Variants in ARRDC5 observed in about 807,000 individuals in gnomAD.
ARRDC5 encodes the protein arrestin domain-containing protein 5.
In ARRDC5, 12 loss-of-function variants were observed where a neutral mutation model predicts 13.3. The ratio of observed to expected loss-of-function variants is 0.90; its 90% CI spans 0.58 to 1.46. The LOEUF (loss-of-function observed/expected upper bound fraction) is 1.46. Ranked by LOEUF, ARRDC5 falls within the 40% of genes most tolerant of loss-of-function variation. The pLI is 0.00. For synonymous variants in ARRDC5, 181 were observed against 173.4 expected (o/e 1.04, Z -0.34); for missense variants, 406 against 418.7 (o/e 0.97, Z 0.26).
upstream of ARRDC5, among the ~76,000 whole-genome samples, chr19:4,907,604 A>C (rs2032091747): frequency 6.6e-6 from 1 of 150,610 alleles, no homozygotes; most frequent in African/African-American, 2.4e-5. Context: ...GGGAGGTCAG[A>C]AGTCTGAAAT....
At chr19:4,895,331 G>A (rs2031672221) in intron 2 of ARRDC5, among the ~76,000 whole-genome samples, 1 of 147,926 alleles carries the variant, frequency 6.8e-6, no homozygotes, top group African/African-American at 2.5e-5. Flanking sequence ...GATGAGGCAG[G>A]AGAGTCACTT....
chr19:4,913,115 A>G, the ARRDC5 span, among the ~76,000 whole-genome samples: 2 of 152,142 alleles, frequency 1.3e-5, no homozygotes, highest in African/African-American at 2.4e-5. Context: ...ACAAATGTCT[A>G]CATCCATGCA....
intron 2 of ARRDC5, among the ~76,000 whole-genome samples, chr19:4,894,740 GGAAGAGGAAGAGGAA>G (rs2031654318): frequency 6.8e-6 from 1 of 147,034 alleles, no homozygotes; most frequent in Non-Finnish European, 1.5e-5. Flanking sequence ...AAGAGGAAGA[GGAAGAGGAAGAGGAA>G]GAAGAAGAAG....
the ARRDC5 span, chr19:4,909,099 C>T: frequency 5.5e-6 from 1 of 181,904 alleles, no homozygotes; most frequent in Non-Finnish European, 1.2e-5. Context: ...CTCCTAGGGG[C>T]CCCCCACATT....
upstream of ARRDC5, among the ~76,000 whole-genome samples, chr19:4,903,973 A>G (rs2032004421): frequency 6.6e-6 from 1 of 151,684 alleles, no homozygotes; most frequent in Non-Finnish European, 1.5e-5. Context: ...TCCCTGCATG[A>G]TTGACATTTC....
intron 1 of ARRDC5, among the ~76,000 whole-genome samples, chr19:4,897,199 C>A (rs1343010689): frequency 6.6e-6 from 1 of 152,172 alleles, no homozygotes; most frequent in Non-Finnish European, 1.5e-5. Flanking sequence ...TCCGGCGATC[C>A]GCCCGTCTTG....
intron 1 of ARRDC5, among the ~76,000 whole-genome samples, chr19:4,901,936 G>T (rs1296635954): frequency 6.6e-6 from 1 of 152,014 alleles, no homozygotes; most frequent in Non-Finnish European, 1.5e-5. Flanking sequence ...ACCCAGGCTG[G>T]CGTGCTGTGG....
intron 2 of ARRDC5, among the ~76,000 whole-genome samples, chr19:4,896,397 CACACACACAT>C (rs1366000343): frequency 4.0e-4 from 53 of 132,088 alleles, no homozygotes; most frequent in African/African-American, 1.5e-3. Flanking sequence ...CACACACACA[CACACACACAT>C]ATATATAATT....
the ARRDC5 span, chr19:4,910,381 T>TC: frequency 7.2e-6 from 1 of 139,690 alleles, no homozygotes. Flanking sequence ...CACCGAGGGG[T>TC]CCCGGGGTCC....
intron 2 of ARRDC5, among the ~76,000 whole-genome samples, chr19:4,895,185 G>A (rs182398112): frequency 2.3e-3 from 353 of 152,002 alleles, no homozygotes; most frequent in African/African-American, 8.0e-3. Context: ...ACTTTGGGAG[G>A]CCTAGGCAGG....
chr19:4,904,614 GC>G (rs2032027673), upstream of ARRDC5, among the ~76,000 whole-genome samples: 3 of 152,194 alleles, frequency 2.0e-5, no homozygotes, highest in African/African-American at 7.2e-5. Context: ...ACCACGCCTG[GC>G]TGACATTTCT....
chr19:4,902,787 C>T lies in ARRDC5; in HGVS notation c.39G>A (p.Glu13=), dbSNP rs1599224332. 1.2e-6 allele frequency: 2 copies of T among 1,613,854 alleles called. No homozygotes were observed. Among genetic ancestry groups the T allele is most frequent in the African/African-American group, 1.3e-5 (1 of 74,924 alleles). ...VVKSIELVLP[E]DRIYLAGSSI... is the part of the protein sequence containing the mutation. ...TGGAGCCAGCCAGGTAGATTCTATC[C>T]TCGGGCAGCACTAATTCGATCGACT... Residue 13 remains glutamate, a synonymous_variant, in exon 1 of 3, where the codon GAG becomes GAA. Coordinates refer to ENST00000650722, the MANE Select transcript of ARRDC5 (RefSeq NM_001080523.3).
upstream of ARRDC5, among the ~76,000 whole-genome samples, chr19:4,906,999 G>A (rs1568402042): frequency 6.6e-6 from 1 of 152,192 alleles, no homozygotes; most frequent in Admixed American, 6.6e-5. Flanking sequence ...AGCGTTGATC[G>A]TGTACTGAGG....
intron 1 of ARRDC5, 22 bp downstream of exon 1, chr19:4,902,551 T>TAA: frequency 6.2e-7 from 1 of 1,609,422 alleles, no homozygotes; most frequent in Non-Finnish European, 8.5e-7. Flanking sequence ...TGGCTAGGGG[T>TAA]GGCTGTTGGC....
chr19:4,916,210 G>T, the ARRDC5 span, among the ~76,000 whole-genome samples: 1 of 151,980 alleles, frequency 6.6e-6, no homozygotes, highest in African/African-American at 2.4e-5. Context: ...GGAGGCCAAG[G>T]TGGGAAGATC....
chr19:4,894,071 G>A (rs1184346410), intron 2 of ARRDC5, among the ~76,000 whole-genome samples: 1 of 134,042 alleles, frequency 7.5e-6, no homozygotes, highest in Non-Finnish European at 1.6e-5. Context: ...AAGAGGAGAA[G>A]AAGAAGAAAG....
chr19:4,894,036 A>C (rs1198090247), intron 2 of ARRDC5, among the ~76,000 whole-genome samples: 6 of 135,798 alleles, frequency 4.4e-5, no homozygotes, highest in African/African-American at 1.8e-4. Flanking sequence ...CGACAGAGCA[A>C]GACTCTGCCT....
rs368136289 is a variant in ARRDC5, at chr19:4,902,888, G to A, written c.-63C>T. 2.2e-3 allele frequency: 3,515 copies of A among 1,610,058 alleles called. 7 individuals carry two copies. Among genetic ancestry groups the A allele is most frequent in the Non-Finnish European group, 2.8e-3 (3,271 of 1,178,032 alleles). On this transcript the variant is annotated 5_prime_UTR_variant, in exon 1 of 3. In the 5' UTR this introduces an upstream ATG that the reference lacks. Coordinates refer to ENST00000650722, the MANE Select transcript of ARRDC5 (RefSeq NM_001080523.3). Reference sequence around the variant, plus strand: ...CCCATGTCCCTGAAATTCCCGGTTCGTTGGCCCTAGTGAGGTAATCCATCT... The same window carrying A: ...CCCATGTCCCTGAAATTCCCGGTTCATTGGCCCTAGTGAGGTAATCCATCT...
upstream of ARRDC5, among the ~76,000 whole-genome samples, chr19:4,905,199 C>G (rs2146265087): frequency 6.9e-6 from 1 of 144,864 alleles, no homozygotes; most frequent in African/African-American, 2.6e-5. Flanking sequence ...TCACTGCAAG[C>G]TCTGCCTCCC....
Sources: gnomAD v4.1 joint callset for allele counts (sites outside exome capture counted in the v4.1 genomes callset) on GRCh38, gnomAD v4.1.1 for gene constraint, MANE v1.5 for transcripts, NCBI Gene and HGNC (gene_info 2026-07-23, HGNC 2026-07-21) for gene names.